The following ZFAT variants were observed in gnomAD, a reference collection of about 807,000 sequenced individuals.
ZFAT encodes the protein zinc finger protein ZFAT.
In ZFAT, 64 loss-of-function variants were observed where a neutral mutation model predicts 117.7. The observed-to-expected ratio is 0.54, with a 90% CI of 0.44 to 0.67. The LOEUF (loss-of-function observed/expected upper bound fraction) is 0.67. Among genes scored for constraint, ZFAT ranks in the 30% least tolerant of loss-of-function variants. The pLI is 0.00. For missense variants in ZFAT, 1,433 were observed against 1,584.5 expected (o/e 0.90, Z 1.62); for synonymous variants, 679 against 615.0 (o/e 1.10, Z -1.54).
chr8:134,653,512 C>T (rs1323448976), intron 2 of ZFAT, among the ~76,000 whole-genome samples: 1 of 148,374 alleles, frequency 6.7e-6, no homozygotes, highest in Admixed American at 6.8e-5. Flanking sequence ...TGATCCTCCT[C>T]CCTCAACTTC....
At chr8:134,571,204 A>C (rs1824869269) in intron 10 of ZFAT, among the ~76,000 whole-genome samples, 1 of 152,234 alleles carries the variant, frequency 6.6e-6, no homozygotes, top group Non-Finnish European at 1.5e-5. Context: ...ACACGCCACG[A>C]AGGACAAAGG....
At chr8:134,668,124 TGGAGCCCACCACAGCTCAAGGA>T (rs1392578898) in intron 1 of ZFAT, among the ~76,000 whole-genome samples, 2 of 152,160 alleles carry the variant, frequency 1.3e-5, no homozygotes, top group African/African-American at 4.8e-5. Flanking sequence ...TCGAACTGGG[TGGAGCCCACCACAGCTCAAGGA>T]GGCCTGCCTG....
Position 134,478,819 on chromosome 8 carries a change from T to A in ZFAT, c.3493-98A>T. The A allele has an allele frequency of 6.8e-7, 1 of 1,469,288 alleles. No homozygotes were observed. Among genetic ancestry groups the A allele is most frequent in the South Asian group, 1.3e-5 (1 of 75,036 alleles). The allele number at this position is 1,469,288 out of a possible 1,614,324, so 91.0% of individuals were successfully genotyped here. A position where few individuals can be genotyped will look rare whatever the true frequency, so the allele number is the denominator to read the frequency against. ...TACAGTTTAGGAGGCACCAGTGCGCTGCGGGAGCACGTCCATTCTCCACGG... is the reference window on the plus strand; with the variant it reads ...TACAGTTTAGGAGGCACCAGTGCGCAGCGGGAGCACGTCCATTCTCCACGG... On this transcript the variant is annotated intron_variant, in intron 15 of 15. Transcript: ENST00000377838. This position sits in a 1 kb window ranked among gnomAD's most constrained non-coding sequence, Gnocchi z 5.2.
the ZFAT span, among the ~76,000 whole-genome samples, chr8:134,742,236 A>G: frequency 4.0e-5 from 6 of 151,148 alleles, no homozygotes; most frequent in Admixed American, 2.0e-4. Flanking sequence ...ACTTAAGTAT[A>G]TATGTGCCAT....
At chr8:134,624,317 T>C (rs1378756840) in intron 3 of ZFAT, among the ~76,000 whole-genome samples, 1 of 152,172 alleles carries the variant, frequency 6.6e-6, no homozygotes, top group Admixed American at 6.5e-5. Flanking sequence ...AAAATCTTCC[T>C]GTTCTTTGTT....
At chr8:134,681,398 G>C (rs1367486412) in intron 1 of ZFAT, among the ~76,000 whole-genome samples, 1 of 152,200 alleles carries the variant, frequency 6.6e-6, no homozygotes, top group Non-Finnish European at 1.5e-5. Flanking sequence ...CTCATTACCT[G>C]CAGTGACAGC....
chr8:134,668,111 A>C lies in ZFAT; in HGVS notation c.20-10374T>G, dbSNP rs183819157. On this transcript the variant is annotated intron_variant, in intron 1 of 15. Transcript: ENST00000377838. ...GAGTAGGTAAACATAGCAGCCAGGA[A>C]ACTCGAACTGGGTGGAGCCCACCAC... Among the ~76,000 whole-genome samples, 868 of 152,304 alleles carry C rather than the reference A, an allele frequency of 5.7e-3. 8 individuals carry two copies. The highest frequency in any genetic ancestry group is 0.012 in the Admixed American group (189 of 15,298).
chr8:134,710,016 A>C (rs1813930247), intron 1 of ZFAT, among the ~76,000 whole-genome samples: 1 of 152,254 alleles, frequency 6.6e-6, no homozygotes, highest in South Asian at 2.1e-4. Flanking sequence ...CCATGAGTTG[A>C]CAGTAACACA....
At chr8:134,592,047 A>C (rs1168209889) in intron 7 of ZFAT, among the ~76,000 whole-genome samples, 5 of 152,178 alleles carry the variant, frequency 3.3e-5, no homozygotes, top group Admixed American at 3.3e-4. Flanking sequence ...AAAAATTCAG[A>C]ACTACCACTG....
intron 14 of ZFAT, among the ~76,000 whole-genome samples, chr8:134,511,786 T>G (rs1294939447): frequency 6.7e-6 from 1 of 149,558 alleles, no homozygotes; most frequent in East Asian, 1.9e-4. Context: ...CAGTGGCTTG[T>G]TTTTTTTAGA....
chr8:134,646,598 T>C (rs984115437), intron 2 of ZFAT, among the ~76,000 whole-genome samples: 3 of 150,764 alleles, frequency 2.0e-5, no homozygotes, highest in Non-Finnish European at 4.4e-5. Context: ...ATAAAAAAGA[T>C]CAACAAACTA....
chr8:134,592,258 T>A (rs781434229), intron 7 of ZFAT, among the ~76,000 whole-genome samples: 4 of 152,160 alleles, frequency 2.6e-5, no homozygotes, highest in Non-Finnish European at 4.4e-5. Context: ...CTACTCTAAA[T>A]AATAAAAAGC....
chr8:134,689,681 G>C (rs1021149793), intron 1 of ZFAT, among the ~76,000 whole-genome samples: 7 of 152,192 alleles, frequency 4.6e-5, no homozygotes, highest in African/African-American at 1.7e-4. Context: ...ATAGAAGGCC[G>C]AATTCAGTCA....
chr8:134,613,861 G>A (rs1177349714), intron 3 of ZFAT, among the ~76,000 whole-genome samples: 1 of 152,188 alleles, frequency 6.6e-6, no homozygotes, highest in Non-Finnish European at 1.5e-5. Context: ...CCAAGTGAAA[G>A]ACCATGATAA....
At position 134,648,908 on chromosome 8, in the gene ZFAT, GC is replaced by G. The variant is rs1255758116; in HGVS notation, c.196+8652del. Among the ~76,000 whole-genome samples, 4 of 151,994 alleles carry G rather than the reference GC, an allele frequency of 2.6e-5. No individual in the cohort carries two copies. The East Asian group carries it at 5.8e-4, about 22-fold the overall frequency. On this transcript the variant is annotated intron_variant, in intron 2 of 15. Transcript: ENST00000377838. ...CTAGGAAACTGAATCCAGCAGCACA[GC>G]AAAAGGATTATGCAACATGACCAAA...
At chr8:134,740,392 C>G in the ZFAT span, among the ~76,000 whole-genome samples, 8 of 152,188 alleles carry the variant, frequency 5.3e-5, no homozygotes, top group Non-Finnish European at 1.2e-4. Context: ...GGTCCTGGAA[C>G]AAATGCTGGT....
chr8:134,817,312 C>A, the ZFAT span, among the ~76,000 whole-genome samples: 1 of 151,448 alleles, frequency 6.6e-6, no homozygotes, highest in East Asian at 2.0e-4. Context: ...ATCCTGCCTG[C>A]CAATTCTATG....
chr8:134,543,054 C>A (rs1328603637), intron 11 of ZFAT, among the ~76,000 whole-genome samples: 1 of 146,544 alleles, frequency 6.8e-6, no homozygotes, highest in Non-Finnish European at 1.5e-5. Flanking sequence ...GAGATGGGAT[C>A]ATGTACAAAT....
At chr8:134,747,566 C>T in the ZFAT span, among the ~76,000 whole-genome samples, 1 of 152,136 alleles carries the variant, frequency 6.6e-6, no homozygotes. Flanking sequence ...TCTCTAACTA[C>T]TATTATTTAT....
Sources: gnomAD v4.1 joint callset for allele counts (sites outside exome capture counted in the v4.1 genomes callset) on GRCh38, gnomAD v4.1.1 for gene constraint, Gnocchi (gnomAD v3.1) non-coding constraint, MANE v1.5 for transcripts, NCBI Gene and HGNC (gene_info 2026-07-23, HGNC 2026-07-21) for gene names.